Variants in PLD2 observed in about 807,000 individuals in gnomAD.
PLD2 encodes phospholipase D2.
PLD2 carries 101 observed loss-of-function variants against 119.8 expected under a neutral mutation model. The observed-to-expected ratio is 0.84, with a 90% confidence interval of 0.72 to 0.99. PLD2 has a LOEUF of 0.99. Ranked by LOEUF, PLD2 falls within the 50% of genes least tolerant of loss-of-function variation. PLD2 has a pLI of 0.00. For synonymous variants in PLD2, 494 were observed against 482.8 expected, an observed-to-expected ratio of 1.02 and a Z score of -0.30; for missense variants, 1,164 against 1,226.8, an observed-to-expected ratio of 0.95 and a Z score of 0.76.
chr17:4,809,401 T>A (rs1567524428), intron 6 of PLD2, 38 bp downstream of exon 6: 1 of 1,612,656 alleles, frequency 6.2e-7, no homozygotes, highest in East Asian at 2.2e-5. Flanking sequence ...TGGAGCAGGA[T>A]TATCAGACCC....
Sources: gnomAD v4.1 joint callset for allele counts on GRCh38, gnomAD v4.1.1 for gene constraint, MANE v1.5 for transcripts, NCBI Gene and HGNC (gene_info 2026-07-23, HGNC 2026-07-21) for gene names.